KCNB2: variants seen among roughly 807,000 people sequenced by gnomAD.
KCNB2 encodes the protein potassium voltage-gated channel subfamily B member 2.
In KCNB2, 15 loss-of-function variants were observed where a neutral mutation model predicts 61.5. That is an observed-to-expected ratio of 0.24 (90% CI 0.16 to 0.38). The LOEUF is 0.38. KCNB2 is among the 10% of genes least tolerant of loss of function. The pLI, the probability that KCNB2 is intolerant of heterozygous loss-of-function variation, is 1.00. For missense variants in KCNB2, 828 were observed against 1,125.2 expected (o/e 0.74, Z 3.78); for synonymous variants, 457 against 446.0 (o/e 1.02, Z -0.31).
At chr8:72,819,487 C>A (rs1431909130) in intron 2 of KCNB2, among the ~76,000 whole-genome samples, 3 of 152,094 alleles carry the variant, frequency 2.0e-5, no homozygotes, top group Non-Finnish European at 4.4e-5. Context: ...GTTGAATAAT[C>A]CTTCTGGGAC....
At chr8:72,559,086 C>T (rs1480681540) in intron 1 of KCNB2, among the ~76,000 whole-genome samples, 1 of 151,378 alleles carries the variant, frequency 6.6e-6, no homozygotes, top group Non-Finnish European at 1.5e-5. Context: ...ACCTTGAAGT[C>T]TTTGTATAGT....
chr8:72,896,316 C>T (rs533245785), intron 2 of KCNB2, among the ~76,000 whole-genome samples: 129 of 152,206 alleles, frequency 8.5e-4, no homozygotes, highest in Non-Finnish European at 1.5e-3. Context: ...TGGCATTTGT[C>T]CCTCTCTAAA....
chr8:72,850,956 C>T (rs940606481), intron 2 of KCNB2, among the ~76,000 whole-genome samples: 1 of 152,168 alleles, frequency 6.6e-6, no homozygotes, highest in Non-Finnish European at 1.5e-5. Context: ...CTCCTCTTAT[C>T]ATCCTCTAAT....
intron 2 of KCNB2, among the ~76,000 whole-genome samples, chr8:72,734,231 C>G (rs1428420897): frequency 1.3e-5 from 2 of 152,180 alleles, no homozygotes; most frequent in Non-Finnish European, 2.9e-5. Flanking sequence ...TATTGTCAGC[C>G]TAGGCTCAAC....
At chr8:72,838,363 T>G (rs1283993063) in intron 2 of KCNB2, among the ~76,000 whole-genome samples, 8 of 152,178 alleles carry the variant, frequency 5.3e-5, no homozygotes. Context: ...GAACGTGGTG[T>G]TTGGTTTTCT....
At chr8:72,740,330 A>T (rs1807929120) in intron 2 of KCNB2, among the ~76,000 whole-genome samples, 1 of 152,208 alleles carries the variant, frequency 6.6e-6, no homozygotes, top group African/African-American at 2.4e-5. Context: ...GGATATAAAC[A>T]GGGACCCATG....
intron 2 of KCNB2, among the ~76,000 whole-genome samples, chr8:72,607,690 T>C (rs892315191): frequency 6.6e-6 from 1 of 152,212 alleles, no homozygotes; most frequent in Non-Finnish European, 1.5e-5. Context: ...AATTCTCCTC[T>C]AGTCTCTAAA....
chr8:72,800,213 G>C (rs947068255), intron 2 of KCNB2, among the ~76,000 whole-genome samples: 4 of 152,134 alleles, frequency 2.6e-5, no homozygotes, highest in African/African-American at 9.7e-5. Flanking sequence ...TCATAGGCTG[G>C]AGAGGATAAT....
intron 2 of KCNB2, among the ~76,000 whole-genome samples, chr8:72,747,564 G>A (rs1174573964): frequency 1.3e-5 from 2 of 152,168 alleles, no homozygotes; most frequent in Non-Finnish European, 2.9e-5. Flanking sequence ...CCAAGAGAGG[G>A]TTCTTGGATC....
intron 1 of KCNB2, among the ~76,000 whole-genome samples, chr8:72,554,690 A>C (rs566312233): frequency 1.3e-5 from 2 of 152,158 alleles, no homozygotes; most frequent in Admixed American, 6.5e-5. Flanking sequence ...TCTAACTATA[A>C]ATTTTGTATT....
chr8:72,548,614 C>T (rs1806297805), intron 1 of KCNB2, among the ~76,000 whole-genome samples: 1 of 152,172 alleles, frequency 6.6e-6, no homozygotes, highest in Admixed American at 6.5e-5. Context: ...TCTTCCCAAT[C>T]CAAGCCTAGA....
At chr8:72,584,614 C>G (rs1806968030) in intron 2 of KCNB2, among the ~76,000 whole-genome samples, 1 of 152,188 alleles carries the variant, frequency 6.6e-6, no homozygotes, top group Non-Finnish European at 1.5e-5. Flanking sequence ...AAACCACTCT[C>G]ACCTGCCCAC....
At chr8:72,782,117 A>C (rs1808768469) in intron 2 of KCNB2, among the ~76,000 whole-genome samples, 1 of 152,184 alleles carries the variant, frequency 6.6e-6, no homozygotes, top group Non-Finnish European at 1.5e-5. Context: ...ACTTAAAATA[A>C]AATTAAATTT....
rs371434474 is a variant in KCNB2, at chr8:72,556,268, C to T, written c.-93-11374C>T. Among the ~76,000 whole-genome samples the T allele has an allele frequency of 2.2e-3, 336 of 152,218 alleles. 2 individuals carry two copies. The Middle Eastern group carries it at 0.065, about 29-fold the overall frequency. ...GCAGTAAATTTAACATCCTAAGATTCATAGATGCTAGTAGGTCATCTTGCC... is the reference window on the plus strand; with the variant it reads ...GCAGTAAATTTAACATCCTAAGATTTATAGATGCTAGTAGGTCATCTTGCC... On this transcript the variant is annotated intron_variant, in intron 1 of 2. Coordinates refer to ENST00000523207, the MANE Select transcript of KCNB2 (RefSeq NM_004770.3).
At chr8:72,596,809 G>T (rs534294388) in intron 2 of KCNB2, among the ~76,000 whole-genome samples, 3 of 152,098 alleles carry the variant, frequency 2.0e-5, no homozygotes, top group African/African-American at 4.8e-5. Flanking sequence ...ATGAACTTTG[G>T]CTACTTTTTG....
chr8:72,679,995 G>C (rs1384822923), intron 2 of KCNB2, among the ~76,000 whole-genome samples: 1 of 152,164 alleles, frequency 6.6e-6, no homozygotes, highest in African/African-American at 2.4e-5. Context: ...ATTAAGCTAA[G>C]ATCGATAATG....
chr8:72,591,546 GT>G (rs952941711), intron 2 of KCNB2, among the ~76,000 whole-genome samples: 2 of 152,092 alleles, frequency 1.3e-5, no homozygotes, highest in African/African-American at 4.8e-5. Context: ...TTCATGATGT[GT>G]TTAGGTATCA....
chr8:72,937,473 C>G lies in KCNB2; in HGVS notation c.2118C>G (p.Gly706=). Residue 706 remains glycine, a synonymous_variant, in exon 3 of 3, where the codon GGC becomes GGG. Transcript: ENST00000523207. ...ACAGTCCTAAGAGCTCTCTAAAAGG[C>G]AGCAACCCACTAAAGTCCAGATCCC... ...ATDSPKSSLK[G]SNPLKSRSLK... 6.2e-7 allele frequency: 1 copy of G among 1,613,898 alleles called. No homozygotes were observed. Among genetic ancestry groups the G allele is most frequent in the Non-Finnish European group, 8.5e-7 (1 of 1,179,986 alleles).
At chr8:72,676,106 C>T (rs965132132) in intron 2 of KCNB2, among the ~76,000 whole-genome samples, 1 of 152,136 alleles carries the variant, frequency 6.6e-6, no homozygotes, top group Non-Finnish European at 1.5e-5. Context: ...CCTCTACCTC[C>T]CAAACCTACT....
Sources: gnomAD v4.1 joint callset for allele counts (sites outside exome capture counted in the v4.1 genomes callset) on GRCh38, gnomAD v4.1.1 for gene constraint, MANE v1.5 for transcripts, NCBI Gene and HGNC (gene_info 2026-07-23, HGNC 2026-07-21) for gene names.